TOMM40L: variants seen among roughly 807,000 people sequenced by gnomAD.
TOMM40L encodes translocase of outer mitochondrial membrane 40 like.
A neutral mutation model predicts 38.3 loss-of-function variants in TOMM40L; 17 were observed. The observed-to-expected ratio is 0.44, with a 90% CI of 0.30 to 0.67. TOMM40L has a LOEUF of 0.67. Ranked by LOEUF, TOMM40L falls within the 30% of genes least tolerant of loss-of-function variation. TOMM40L has a pLI of 0.08. For synonymous variants in TOMM40L, 151 were observed against 150.2 expected, an observed-to-expected ratio of 1.01 and a Z score of -0.04; for missense variants, 294 against 390.0, an observed-to-expected ratio of 0.75 and a Z score of 2.07.
chr1:161,227,843 A>C (rs1376112063), intron 5 of TOMM40L, 41 bp from the exon 6 acceptor site: 1 of 1,609,234 alleles, frequency 6.2e-7, no homozygotes, highest in Non-Finnish European at 8.5e-7. Flanking sequence ...TAATGATCAT[A>C]AAGAGGGAGG....
Position 161,229,687 on chromosome 1 carries a change from G to A in TOMM40L, c.*592G>A. 6.2e-7 allele frequency: 1 copy of A among 1,614,040 alleles called. No individual in the cohort carries two copies. Among genetic ancestry groups the A allele is most frequent in the Non-Finnish European group, 8.5e-7 (1 of 1,179,946 alleles). ...GCAGTTATTGCTTTAGTCTTTCATT[G>A]CAACCACTGGGCTCCCTTTGAACCC... On this transcript the variant is annotated 3_prime_UTR_variant, in exon 10 of 10. Coordinates refer to ENST00000367988, the MANE Select transcript of TOMM40L (RefSeq NM_032174.6).
Position 161,228,943 on chromosome 1 carries a change from T to C in TOMM40L, c.788-13T>C, listed in dbSNP as rs1238006432. ...CTGTTAAATAATCTAGTGGGTATTC[T>C]CTCCCCCAACAGGCTTGGTGGATAG... On this transcript the variant is annotated splice_polypyrimidine_tract_variant and intron_variant, in intron 9 of 9. Transcript: ENST00000367988. The C allele has an allele frequency of 3.1e-6, 5 of 1,614,094 alleles. No individual in the cohort carries two copies. In the African/African-American group the frequency reaches 4.0e-5, roughly 13 times the overall value.
Position 161,228,236 on chromosome 1 carries a change from G to T in TOMM40L, c.535G>T (p.Gly179Ter). The T allele has an allele frequency of 6.2e-7, 1 of 1,607,822 alleles. No homozygotes were observed. Among genetic ancestry groups the T allele is most frequent in the South Asian group, 1.1e-5 (1 of 90,132 alleles). ...GAGCCTCACTCATCGGCTGGTGCTG[G>T]GAGGAGAGCTAGTTTATCACCGGCG... The part of the protein sequence containing the change: ...LQSLTHRLVL[G>*]GELVYHRRPG... The change falls in exon 7 of 10, where the codon GGA becomes TGA. Residue 179 changes from glycine (G) to a stop codon, truncating the protein, a stop_gained. Coordinates refer to ENST00000367988, the MANE Select transcript of TOMM40L (RefSeq NM_032174.6). LOFTEE classifies it high-confidence loss of function.
chr1:161,226,268 T>G, intron 1 of TOMM40L, 87 bp from the exon 2 acceptor site: 3 of 522,658 alleles, frequency 5.7e-6, no homozygotes, highest in East Asian at 3.3e-5. Flanking sequence ...GGGTGACAAG[T>G]GGGGGTGAGA....
intron 5 of TOMM40L, 24 bp downstream of exon 5, chr1:161,227,761 C>A: frequency 6.2e-7 from 1 of 1,601,424 alleles, no homozygotes; most frequent in Non-Finnish European, 8.6e-7. Context: ...CTGCCTCCAT[C>A]CCCTGAGGCA....
Position 161,228,668 on chromosome 1 carries a change from T to C in TOMM40L, c.685-47T>C, listed in dbSNP as rs1474964700. The C allele has an allele frequency of 1.9e-6, 3 of 1,606,592 alleles. No individual in the cohort carries two copies. In the African/African-American group the frequency reaches 4.0e-5, roughly 21 times the overall value. ...TGATTCCCCATCAGGACCCTTCTGG[T>C]CTTCACTGATACTGATCTCTCTCTC... On this transcript the variant is annotated intron_variant, in intron 8 of 9. Coordinates refer to ENST00000367988, the MANE Select transcript of TOMM40L (RefSeq NM_032174.6).
chr1:161,227,095 G>A, intron 3 of TOMM40L, 140 bp downstream of exon 3: 1 of 1,215,284 alleles, frequency 8.2e-7, no homozygotes, highest in Non-Finnish European at 1.2e-6. Context: ...TTACCTCCGT[G>A]CCTGTGGGAC....
chr1:161,228,558 G>C (rs569307435), intron 8 of TOMM40L, 54 bp downstream of exon 8: 2 of 1,603,454 alleles, frequency 1.2e-6, no homozygotes, highest in East Asian at 2.2e-5. Flanking sequence ...ATGAACTTCT[G>C]TTCATCTGGA....
chr1:161,230,044 A>G lies in TOMM40L; in HGVS notation c.*949A>G, dbSNP rs113342035. ...CTCAGTGAAGCCAGGTCTGAACATTAGAGAAAATCATGCTCTGGTATGACA... is the reference window on the plus strand; with the variant it reads ...CTCAGTGAAGCCAGGTCTGAACATTGGAGAAAATCATGCTCTGGTATGACA... On this transcript the variant is annotated 3_prime_UTR_variant, in exon 10 of 10. Coordinates refer to ENST00000367988, the MANE Select transcript of TOMM40L (RefSeq NM_032174.6). The G allele has an allele frequency of 3.2e-6, 4 of 1,241,324 alleles. No individual in the cohort carries two copies. The highest frequency in any genetic ancestry group is 4.5e-6 in the Non-Finnish European group (4 of 883,358). The allele number at this position is 1,241,324 out of a possible 1,614,324, so 76.9% of individuals were successfully genotyped here.
intron 9 of TOMM40L, 69 bp from the exon 10 acceptor site, chr1:161,228,887 C>G: frequency 3.1e-6 from 5 of 1,613,670 alleles, no homozygotes; most frequent in African/African-American, 1.3e-5. Flanking sequence ...GGAAGCTCGA[C>G]CTTACTTCTG....
Position 161,228,702 on chromosome 1 carries a change from C to T in TOMM40L, c.685-13C>T, listed in dbSNP as rs1404283200. On this transcript the variant is annotated splice_polypyrimidine_tract_variant and intron_variant, in intron 8 of 9. Coordinates refer to ENST00000367988, the MANE Select transcript of TOMM40L (RefSeq NM_032174.6). ...ATACTGATCTCTCTCTCATCCTTGC[C>T]CATGGTTCTCAGGTTCAGGTTGGAG... 6.2e-7 allele frequency: 1 copy of T among 1,608,464 alleles called. No homozygotes were observed. Among genetic ancestry groups the T allele is most frequent in the Non-Finnish European group, 8.5e-7 (1 of 1,175,068 alleles).
Position 161,230,648 on chromosome 1 carries a change from G to T in TOMM40L, c.*1553G>T. 1.2e-6 allele frequency: 1 copy of T among 862,560 alleles called. No homozygotes were observed. The allele number at this position is 862,560 out of a possible 1,614,324, so 53.4% of individuals were successfully genotyped here. ...AGTATCCAAATACAGCAATTTGGAT[G>T]CTGAAACGATGTGAGACAGGGATGG... On this transcript the variant is annotated 3_prime_UTR_variant, in exon 10 of 10. Transcript: ENST00000367988.
At chr1:161,227,560 A>G in intron 4 of TOMM40L, 76 bp from the exon 5 acceptor site, 1 of 1,311,026 alleles carries the variant, frequency 7.6e-7, no homozygotes, top group Non-Finnish European at 1.1e-6. Context: ...TGCACTCTTA[A>G]TGAAGTTCTA....
rs1458855547 is a variant in TOMM40L at position 161,229,576 on chromosome 1, G to T, written c.*481G>T. ...GAGCTTCTTTACCTCTTAGCCCTGA[G>T]GTTTCCTCCTTCCCATCTTCTGTGC... On this transcript the variant is annotated 3_prime_UTR_variant, in exon 10 of 10. Coordinates refer to ENST00000367988, the MANE Select transcript of TOMM40L (RefSeq NM_032174.6). 4.0e-6 allele frequency: 6 copies of T among 1,505,068 alleles called. No individual in the cohort carries two copies. Among genetic ancestry groups the T allele is most frequent in the East Asian group, 4.7e-5 (2 of 42,342 alleles). 93.2% of individuals were successfully genotyped at this position (1,505,068 alleles called of 1,614,324 possible).
At position 161,226,906 on chromosome 1, in the gene TOMM40L, T is replaced by C. The variant is rs1452073594; in HGVS notation, c.134T>C (p.Met45Thr). Reference sequence around the variant, plus strand: ...CCTTCAGATGTATTCCCAGCACAGATGGAGGGAGTGAAGCTCGTTGTCAAC... The same window carrying C: ...CCTTCAGATGTATTCCCAGCACAGACGGAGGGAGTGAAGCTCGTTGTCAAC... ...RLCKDVFPAQ[M>T]EGVKLVVNKV... Residue 45 changes from methionine (M) to threonine (T), a missense_variant, in exon 3 of 10, where the codon ATG (methionine) becomes ACG (threonine). Coordinates refer to ENST00000367988, the MANE Select transcript of TOMM40L (RefSeq NM_032174.6). 2 of 1,614,192 alleles carry C rather than the reference T, an allele frequency of 1.2e-6. No homozygotes were observed.
In TOMM40L at chr1:161,227,929, C is replaced by T. The variant is rs926857118; in HGVS notation, c.424C>T (p.Arg142Trp). The T allele has an allele frequency of 2.5e-6, 4 of 1,613,948 alleles. No homozygotes were observed. Among genetic ancestry groups the T allele is most frequent in the African/African-American group, 2.7e-5 (2 of 74,902 alleles). Residue 142 changes from arginine to tryptophan, a missense_variant, in exon 6 of 10, where the codon CGG (arginine) becomes TGG (tryptophan). Arg to Trp is a moderately radical substitution (Grantham distance 101). Transcript: ENST00000367988. ...FLTWQFDGEY[R>W]GDDYTATLTL... ...GACATGGCAGTTTGATGGCGAGTAT[C>T]GGGGAGATGACTACACAGCCACTCT...
In TOMM40L at chr1:161,229,664, A is replaced by C; in HGVS notation, c.*569A>C. The C allele has an allele frequency of 6.2e-7, 1 of 1,613,816 alleles. No individual in the cohort carries two copies. Among genetic ancestry groups the C allele is most frequent in the Non-Finnish European group, 8.5e-7 (1 of 1,179,896 alleles). On this transcript the variant is annotated 3_prime_UTR_variant, in exon 10 of 10. Coordinates refer to ENST00000367988, the MANE Select transcript of TOMM40L (RefSeq NM_032174.6). ...TATCCCCATGACCGCATGAAGAGGCAGTTATTGCTTTAGTCTTTCATTGCA... is the reference window on the plus strand; with the variant it reads ...TATCCCCATGACCGCATGAAGAGGCCGTTATTGCTTTAGTCTTTCATTGCA...
chr1:161,229,601 C>T lies in TOMM40L; in HGVS notation c.*506C>T. On this transcript the variant is annotated 3_prime_UTR_variant, in exon 10 of 10. Transcript: ENST00000367988. Reference sequence around the variant, plus strand: ...GGTTTCCTCCTTCCCATCTTCTGTGCTTCCAGAGAACAACTTTGTTCCTAT... The same window carrying T: ...GGTTTCCTCCTTCCCATCTTCTGTGTTTCCAGAGAACAACTTTGTTCCTAT... 6 of 1,585,926 alleles carry T rather than the reference C, an allele frequency of 3.8e-6. No individual in the cohort carries two copies. The highest frequency in any genetic ancestry group is 5.2e-6 in the Non-Finnish European group (6 of 1,163,090).
Position 161,229,619 on chromosome 1 carries a change from G to T in TOMM40L, c.*524G>T, listed in dbSNP as rs903309268. 5.0e-6 allele frequency: 8 copies of T among 1,606,878 alleles called. No individual in the cohort carries two copies. Among genetic ancestry groups the T allele is most frequent in the Admixed American group, 1.7e-5 (1 of 59,202 alleles). On this transcript the variant is annotated 3_prime_UTR_variant, in exon 10 of 10. Transcript: ENST00000367988. ...TTCTGTGCTTCCAGAGAACAACTTTGTTCCTATGGTCACCCCCACTATCCC... is the reference window on the plus strand; with the variant it reads ...TTCTGTGCTTCCAGAGAACAACTTTTTTCCTATGGTCACCCCCACTATCCC...
Sources: allele counts gnomAD v4.1 joint callset, GRCh38; gene constraint gnomAD v4.1.1; transcripts MANE v1.5; gene names NCBI Gene and HGNC (gene_info 2026-07-23, HGNC 2026-07-21).